Variants in KIF6 observed in about 807,000 individuals in gnomAD.
KIF6 encodes kinesin-like protein KIF6.
Under a neutral mutation model 112.7 loss-of-function variants are expected in KIF6, and 106 were observed. The observed-to-expected ratio is 0.94, with a 90% CI of 0.80 to 1.11. The LOEUF (loss-of-function observed/expected upper bound fraction) is 1.11, where lower values mean the gene tolerates loss of function less well. Ranked by LOEUF, KIF6 falls within the 50% of genes least tolerant of loss-of-function variation. The pLI is 0.00. For missense variants in KIF6, 929 were observed against 964.0 expected, an observed-to-expected ratio of 0.96 and a Z score of 0.48; for synonymous variants, 339 against 339.9, an observed-to-expected ratio of 1.00 and a Z score of 0.03.
chr6:39,404,262 G>A (rs1768922155), intron 15 of KIF6, among the ~76,000 whole-genome samples: 1 of 152,098 alleles, frequency 6.6e-6, no homozygotes, highest in Admixed American at 6.6e-5. Flanking sequence ...GACATGAAGA[G>A]TTTCTCATAC....
chr6:39,688,995 G>A (rs1029154856), intron 3 of KIF6, among the ~76,000 whole-genome samples: 6 of 152,034 alleles, frequency 3.9e-5, no homozygotes, highest in African/African-American at 1.4e-4. Flanking sequence ...TTTTTTATTT[G>A]TAGTCCCAGT....
intron 5 of KIF6, among the ~76,000 whole-genome samples, chr6:39,619,536 G>A (rs1438059932): frequency 6.6e-6 from 1 of 152,164 alleles, no homozygotes; most frequent in East Asian, 1.9e-4. Flanking sequence ...TAGTGACAAT[G>A]AGGAACCAGC....
At position 39,334,309 on chromosome 6, in the gene KIF6, T is replaced by C. The variant is rs560998513; in HGVS notation, c.*2223A>G. The C allele has an allele frequency of 5.2e-5, 8 of 152,446 alleles. No homozygotes were observed. The highest frequency in any genetic ancestry group is 1.9e-4 in the African/African-American group (8 of 41,598). 9.4% of individuals were successfully genotyped at this position (152,446 alleles called of 1,614,324 possible). ...AATGTTGAAAGACTCTGGCAGGGTA[T>C]GTGGCTCATGCCTGCAATCCCAGCA... is the stretch of plus-strand genomic sequence containing the variant. On this transcript the variant is annotated 3_prime_UTR_variant, in exon 23 of 23. Coordinates refer to ENST00000287152, the MANE Select transcript of KIF6 (RefSeq NM_145027.6).
intron 13 of KIF6, among the ~76,000 whole-genome samples, chr6:39,538,889 A>C (rs1778610394): frequency 6.6e-6 from 1 of 150,968 alleles, no homozygotes; most frequent in Non-Finnish European, 1.5e-5. Flanking sequence ...ATGCAGCCAT[A>C]AAAAATGATG....
At chr6:39,557,735 C>T (rs2150589937) in intron 10 of KIF6, among the ~76,000 whole-genome samples, 1 of 151,930 alleles carries the variant, frequency 6.6e-6, no homozygotes, top group African/African-American at 2.4e-5. Flanking sequence ...ATAGAAAGCC[C>T]ATAGAACCTC....
intron 13 of KIF6, among the ~76,000 whole-genome samples, chr6:39,449,471 T>TG (rs2150405990): frequency 6.6e-6 from 1 of 152,374 alleles, no homozygotes; most frequent in African/African-American, 2.4e-5. Context: ...TTTCACTGTC[T>TG]GGAATGTTCT....
chr6:39,704,664 G>T (rs915775700), intron 3 of KIF6, among the ~76,000 whole-genome samples: 4 of 151,892 alleles, frequency 2.6e-5, no homozygotes, highest in Non-Finnish European at 4.4e-5. Flanking sequence ...GAAATAACTT[G>T]CCCAAGGACA....
intron 22 of KIF6, among the ~76,000 whole-genome samples, chr6:39,339,570 A>G (rs1242810655): frequency 6.6e-6 from 1 of 152,090 alleles, no homozygotes; most frequent in African/African-American, 2.4e-5. Context: ...GGGTCGCACC[A>G]TGGTTCCTTT....
intron 13 of KIF6, among the ~76,000 whole-genome samples, chr6:39,490,426 G>C (rs73412733): frequency 0.013 from 1,908 of 152,306 alleles, 43 homozygotes; most frequent in African/African-American, 0.043. Context: ...AAAAGTACTA[G>C]GTTGGGAAAC....
intron 10 of KIF6, among the ~76,000 whole-genome samples, chr6:39,568,983 C>T (rs1397597377): frequency 6.6e-6 from 1 of 152,192 alleles, no homozygotes; most frequent in East Asian, 1.9e-4. Flanking sequence ...TCTCCACTCT[C>T]TCTCTCTCCA....
chr6:39,396,101 C>T (rs1484677930), intron 15 of KIF6, among the ~76,000 whole-genome samples: 1 of 152,182 alleles, frequency 6.6e-6, no homozygotes, highest in Non-Finnish European at 1.5e-5. Flanking sequence ...AAATAATTGC[C>T]TAACACAGAG....
At chr6:39,466,252 C>T (rs1773781518) in intron 13 of KIF6, among the ~76,000 whole-genome samples, 1 of 152,168 alleles carries the variant, frequency 6.6e-6, no homozygotes, top group South Asian at 2.1e-4. Context: ...TTCCTTCTCT[C>T]CTTCTTCCTT....
chr6:39,364,419 C>T (rs1473550902), intron 16 of KIF6, among the ~76,000 whole-genome samples: 6 of 152,202 alleles, frequency 3.9e-5, no homozygotes, highest in Admixed American at 2.6e-4. Context: ...GCGCCCAGCC[C>T]CCTTTTTTTT....
At chr6:39,409,228 A>G (rs777131007) in intron 15 of KIF6, among the ~76,000 whole-genome samples, 1 of 152,154 alleles carries the variant, frequency 6.6e-6, no homozygotes, top group Non-Finnish European at 1.5e-5. Flanking sequence ...GTTTGCCACC[A>G]GTCCTTTCAG....
chr6:39,510,873 A>G (rs551315781), intron 13 of KIF6, among the ~76,000 whole-genome samples: 31 of 71,234 alleles, frequency 4.4e-4, no homozygotes, highest in African/African-American at 1.5e-3. Flanking sequence ...AATGGGAAGC[A>G]AAAAAAAAAA....
chr6:39,496,697 T>C (rs1229985024), intron 13 of KIF6, among the ~76,000 whole-genome samples: 2 of 152,222 alleles, frequency 1.3e-5, no homozygotes, highest in Non-Finnish European at 2.9e-5. Flanking sequence ...AGCCTCTTGA[T>C]AATAGTAAAT....
At chr6:39,542,203 A>G (rs1778826432) in intron 12 of KIF6, among the ~76,000 whole-genome samples, 1 of 152,118 alleles carries the variant, frequency 6.6e-6, no homozygotes, top group Non-Finnish European at 1.5e-5. Flanking sequence ...TCTGATGTAC[A>G]TTTCATAAAG....
chr6:39,568,816 G>T lies in KIF6; in HGVS notation c.1181+9240C>A, dbSNP rs183173316. 5.6e-3 allele frequency among the ~76,000 whole-genome samples: 848 copies of T among 152,212 alleles called. 7 individuals are homozygous for T. The highest frequency in any genetic ancestry group is 0.019 in the African/African-American group (780 of 41,522). ...TCCACCTGCGTCAGCCTCCCAAAGTGCTGGGATTATAGGCATGAGCCACTG... is the reference window on the plus strand; with the variant it reads ...TCCACCTGCGTCAGCCTCCCAAAGTTCTGGGATTATAGGCATGAGCCACTG... On this transcript the variant is annotated intron_variant, in intron 10 of 22. Transcript: ENST00000287152.
chr6:39,700,630 C>T (rs537651412), intron 3 of KIF6, among the ~76,000 whole-genome samples: 51 of 152,100 alleles, frequency 3.4e-4, no homozygotes, highest in African/African-American at 1.1e-3. Flanking sequence ...TCTACTATTA[C>T]AAGAAAAAAA....
Sources: allele counts gnomAD v4.1 joint callset (sites outside exome capture counted in the v4.1 genomes callset), GRCh38; gene constraint gnomAD v4.1.1; transcripts MANE v1.5; gene names NCBI Gene and HGNC (gene_info 2026-07-23, HGNC 2026-07-21).